Variants in NRXN3 observed in about 807,000 individuals in gnomAD.
The protein encoded by NRXN3 is neurexin III.
Under a neutral mutation model 137.6 loss-of-function variants are expected in NRXN3, and 32 were observed. That is an observed-to-expected ratio of 0.23 (90% CI 0.18 to 0.31). The LOEUF (loss-of-function observed/expected upper bound fraction) is 0.31. Among genes scored for constraint, NRXN3 ranks in the 10% least tolerant of loss-of-function variants. The probability of loss-of-function intolerance (pLI) is 1.00; values close to 1 mark genes in which losing one functional copy is unlikely to be tolerated. For synonymous variants in NRXN3, 798 were observed against 784.5 expected, an observed-to-expected ratio of 1.02 and a Z score of -0.29; for missense variants, 1,574 against 2,062.5, an observed-to-expected ratio of 0.76 and a Z score of 4.59.
At chr14:79,091,442 C>T (rs972908084) in intron 15 of NRXN3, among the ~76,000 whole-genome samples, 1 of 152,112 alleles carries the variant, frequency 6.6e-6, no homozygotes, top group Non-Finnish European at 1.5e-5. Flanking sequence ...CAGACTCAGC[C>T]TCTGATTCCT....
At chr14:79,590,928 C>T (rs1471556414) in intron 16 of NRXN3, among the ~76,000 whole-genome samples, 1 of 152,226 alleles carries the variant, frequency 6.6e-6, no homozygotes. Flanking sequence ...CTACCATCCC[C>T]TCCATCTTTC....
chr14:79,578,319 A>G (rs1049716853), intron 16 of NRXN3, among the ~76,000 whole-genome samples: 1 of 152,162 alleles, frequency 6.6e-6, no homozygotes, highest in East Asian at 1.9e-4. Flanking sequence ...GACAATAGGC[A>G]CGATGTTGCT....
chr14:79,624,810 T>G (rs560408091), intron 16 of NRXN3, among the ~76,000 whole-genome samples: 4,131 of 147,806 alleles, frequency 0.028, 291 homozygotes, highest in African/African-American at 0.1. Context: ...TTTGTTTGTT[T>G]TTGTTTTTTT....
chr14:79,630,348 T>C (rs1349343146), intron 16 of NRXN3, among the ~76,000 whole-genome samples: 2 of 152,152 alleles, frequency 1.3e-5, no homozygotes, highest in Non-Finnish European at 2.9e-5. Context: ...GCTCTAAGGT[T>C]TGGTAACCTG....
chr14:79,541,458 A>G (rs1054537304), intron 16 of NRXN3, among the ~76,000 whole-genome samples: 3 of 152,214 alleles, frequency 2.0e-5, no homozygotes, highest in African/African-American at 7.2e-5. Context: ...ATCCAGGATG[A>G]TCTCATCTAG....
chr14:79,681,891 T>C (rs1795777962), intron 17 of NRXN3, among the ~76,000 whole-genome samples: 2 of 152,170 alleles, frequency 1.3e-5, no homozygotes, highest in South Asian at 4.1e-4. Context: ...TAAGGGATTG[T>C]CCTTTCTTTT....
intron 4 of NRXN3, among the ~76,000 whole-genome samples, chr14:78,644,360 G>A (rs1255246339): frequency 6.6e-6 from 1 of 152,058 alleles, no homozygotes; most frequent in Non-Finnish European, 1.5e-5. Context: ...ATAGTTCTGT[G>A]GGGAAGAAGA....
intron 15 of NRXN3, chr14:79,072,539 C>T (rs1005552382): frequency 3.9e-5 from 6 of 152,068 alleles, no homozygotes; most frequent in Admixed American, 6.6e-5. Flanking sequence ...TATAGCATAA[C>T]GGAGATAATA....
At chr14:78,368,466 T>C (rs2086318671) in intron 4 of NRXN3, among the ~76,000 whole-genome samples, 1 of 152,134 alleles carries the variant, frequency 6.6e-6, no homozygotes, top group Non-Finnish European at 1.5e-5. Flanking sequence ...ATCCCAGCAC[T>C]TTGGGAGGCC....
chr14:78,260,971 G>A (rs2070607904), intron 2 of NRXN3, among the ~76,000 whole-genome samples: 1 of 152,178 alleles, frequency 6.6e-6, no homozygotes. Context: ...GTATGTTCAT[G>A]TGTGACTTCT....
intron 10 of NRXN3, among the ~76,000 whole-genome samples, chr14:78,854,872 C>G (rs1201764346): frequency 4.6e-5 from 7 of 152,128 alleles, no homozygotes; most frequent in Admixed American, 4.6e-4. Context: ...GAAATCGAGA[C>G]CATCCAGGGA....
intron 4 of NRXN3, among the ~76,000 whole-genome samples, chr14:78,539,428 G>A (rs752959817): frequency 6.6e-6 from 1 of 152,080 alleles, no homozygotes; most frequent in Non-Finnish European, 1.5e-5. Flanking sequence ...TTCTCTGATG[G>A]TAGTTTGTAT....
intron 4 of NRXN3, among the ~76,000 whole-genome samples, chr14:78,636,924 C>A (rs1366765890): frequency 6.6e-6 from 1 of 151,628 alleles, no homozygotes; most frequent in Non-Finnish European, 1.5e-5. Flanking sequence ...ACAGGCAGTA[C>A]AATTGTGTGC....
intron 20 of NRXN3, among the ~76,000 whole-genome samples, chr14:79,840,179 C>G (rs1177732318): frequency 6.6e-6 from 1 of 152,056 alleles, no homozygotes; most frequent in Non-Finnish European, 1.5e-5. Flanking sequence ...TGACTAAGGA[C>G]CACTCTATAA....
At position 79,645,358 on chromosome 14, in the gene NRXN3, A is replaced by G. The variant is rs182000586; in HGVS notation, c.3445-18420A>G. Among the ~76,000 whole-genome samples, 413 of 134,844 alleles carry G rather than the reference A, an allele frequency of 3.1e-3. 89 individuals are homozygous for G. Among genetic ancestry groups the G allele is most frequent in the South Asian group, 0.015 (66 of 4,276 alleles). The allele number at this position is 134,844 out of a possible 152,430, so 88.5% of individuals were successfully genotyped here. A position where few individuals can be genotyped will look rare whatever the true frequency, so the allele number is the denominator to read the frequency against. ...TTAAAAGTTAAAAATAGTTGTATTC[A>G]TAATCCCAGCATTTTGGGAGGCCGA... On this transcript the variant is annotated intron_variant, in intron 16 of 20. Transcript: ENST00000335750.
chr14:78,754,353 C>T (rs1472230473), intron 8 of NRXN3, among the ~76,000 whole-genome samples: 1 of 152,156 alleles, frequency 6.6e-6, no homozygotes, highest in Admixed American at 6.5e-5. Context: ...ACTCCCCACC[C>T]CACACCGTTC....
rs527672664 is a variant in NRXN3 at position 79,370,182 on chromosome 14, A to C, written c.3263-97039A>C. ...CCAATTTATTGAGTTGCTATGAGCC[A>C]GACACTGTGTAAGCACTTTCTACAC... is the stretch of plus-strand genomic sequence containing the variant. On this transcript the variant is annotated intron_variant, in intron 15 of 20. Transcript: ENST00000335750. 2.6e-5 allele frequency among the ~76,000 whole-genome samples: 4 copies of C among 152,346 alleles called. No homozygotes were observed. The East Asian group carries it at 7.7e-4, about 29-fold the overall frequency.
intron 3 of NRXN3, among the ~76,000 whole-genome samples, chr14:78,291,984 G>T (rs1466300366): frequency 2.6e-5 from 4 of 152,188 alleles, no homozygotes; most frequent in African/African-American, 9.7e-5. Flanking sequence ...CCCAGCCAGG[G>T]TGAAGGAAAG....
rs868427317 is a variant in NRXN3, at chr14:79,740,771, C to T, written c.4014+42834C>T. ...ATATATATATATATATATATATAAC[C>T]TTACTTCTGCTTTTAAACATAGATC... On this transcript the variant is annotated intron_variant, in intron 19 of 20. Coordinates refer to ENST00000335750, the MANE Select transcript of NRXN3 (RefSeq NM_001330195.2). Among the ~76,000 whole-genome samples the T allele has an allele frequency of 6.1e-3, 428 of 70,142 alleles. 4 individuals carry two copies. The highest frequency in any genetic ancestry group is 0.02 in the African/African-American group (409 of 20,406). 46.0% of individuals were successfully genotyped at this position (70,142 alleles called of 152,430 possible).
Sources: allele counts gnomAD v4.1 joint callset (sites outside exome capture counted in the v4.1 genomes callset), GRCh38; gene constraint gnomAD v4.1.1; transcripts MANE v1.5; gene names NCBI Gene and HGNC (gene_info 2026-07-23, HGNC 2026-07-21).